Variants in ACER1 observed in about 807,000 individuals in gnomAD.
ACER1 encodes CTB-180A7.3.
Under a neutral mutation model 24.9 loss-of-function variants are expected in ACER1, and 28 were observed. The observed-to-expected ratio is 1.13, with a 90% CI of 0.83 to 1.54. ACER1 has a LOEUF of 1.54. Among genes scored for constraint, ACER1 ranks in the 40% most tolerant of loss-of-function variants. ACER1 has a pLI of 0.00. For missense variants in ACER1, 352 were observed against 349.3 expected (o/e 1.01, Z -0.06); for synonymous variants, 132 against 131.4 (o/e 1.00, Z -0.03).
chr19:6,320,952 G>A (rs7260240), intron 1 of ACER1, among the ~76,000 whole-genome samples: 15,404 of 150,584 alleles, frequency 0.1, 1,078 homozygotes, highest in African/African-American at 0.19. Flanking sequence ...TAGCTACAAT[G>A]TATTCAGTGC....
rs1224746868 is a variant in ACER1 at position 6,306,925 on chromosome 19, A to G, written c.627-43T>C. On this transcript the variant is annotated intron_variant, in intron 5 of 5. Transcript: ENST00000301452. ...AAGGTGGCGAGGGCACAAGATACCCACAGCCTCACGCCGGCCCTCTTTTTA... is the reference window on the plus strand; with the variant it reads ...AAGGTGGCGAGGGCACAAGATACCCGCAGCCTCACGCCGGCCCTCTTTTTA... 5.1e-6 allele frequency: 8 copies of G among 1,584,084 alleles called. No homozygotes were observed. In the East Asian group the frequency reaches 1.1e-4, roughly 22 times the overall value.
intron 1 of ACER1, among the ~76,000 whole-genome samples, chr19:6,319,946 T>C (rs1184785692): frequency 6.6e-6 from 1 of 151,900 alleles, no homozygotes; most frequent in Admixed American, 6.6e-5. Flanking sequence ...ACCCTGTCTT[T>C]ACTAAAAATA....
chr19:6,316,969 T>A (rs1040690572), intron 1 of ACER1, among the ~76,000 whole-genome samples: 2 of 86,400 alleles, frequency 2.3e-5, no homozygotes, highest in South Asian at 4.1e-4. Context: ...CCTCCCCATC[T>A]TTTTTTTTTT....
intron 1 of ACER1, among the ~76,000 whole-genome samples, chr19:6,323,844 C>G (rs2091645200): frequency 6.6e-6 from 1 of 151,918 alleles, no homozygotes; most frequent in Admixed American, 6.6e-5. Context: ...CTTATGAGAC[C>G]TGCCATTGTG....
chr19:6,312,923 C>A (rs539060281), intron 1 of ACER1, among the ~76,000 whole-genome samples: 9 of 152,158 alleles, frequency 5.9e-5, no homozygotes, highest in African/African-American at 2.2e-4. Context: ...GTGATCCGCC[C>A]ATCTTGGCCT....
chr19:6,333,654 C>T (rs1470749256), upstream of ACER1: 57 of 976,980 alleles, frequency 5.8e-5, no homozygotes, highest in Non-Finnish European at 8.0e-5. Context: ...CCCGGTGCCC[C>T]GCGGCAGGCA....
At chr19:6,317,905 C>G (rs1405228380) in intron 1 of ACER1, among the ~76,000 whole-genome samples, 2 of 152,060 alleles carry the variant, frequency 1.3e-5, no homozygotes, top group South Asian at 4.2e-4. Flanking sequence ...CAGGCACTCA[C>G]CACCATGTAT....
chr19:6,328,467 A>G (rs2091671772), intron 1 of ACER1, among the ~76,000 whole-genome samples: 1 of 138,810 alleles, frequency 7.2e-6, no homozygotes, highest in Non-Finnish European at 1.5e-5. Flanking sequence ...AGTGCACTCC[A>G]GCCTGGGCAA....
At position 6,307,168 on chromosome 19, in the gene ACER1, T is replaced by G; in HGVS notation, c.611A>C (p.Tyr204Ser). Residue 204 changes from tyrosine (Y) to serine (S), a missense_variant, in exon 5 of 6, where the codon TAT (tyrosine) becomes TCT (serine). Transcript: ENST00000301452. ...CSFWQRIHFF[Y>S]LHSIWHVLIS... ...ATGTGCTTACCAGATGCTGTGCAGA[T>G]AGAAGAAATGAATCCTCTGCCAGAA... is the stretch of plus-strand genomic sequence containing the variant. The G allele has an allele frequency of 6.2e-7, 1 of 1,614,072 alleles. No homozygotes were observed. The highest frequency in any genetic ancestry group is 1.1e-5 in the South Asian group (1 of 91,080).
At chr19:6,315,493 ACT>A (rs2091599138) in intron 1 of ACER1, among the ~76,000 whole-genome samples, 1 of 151,124 alleles carries the variant, frequency 6.6e-6, no homozygotes, top group Admixed American at 6.6e-5. Context: ...CATTCTCCTG[ACT>A]CAGCCTCCCC....
At chr19:6,357,043 T>TTC in the ACER1 span, among the ~76,000 whole-genome samples, 1 of 86,366 alleles carries the variant, frequency 1.2e-5, no homozygotes, top group Non-Finnish European at 2.1e-5. Context: ...GAGCTGAGAC[T>TTC]TTTTTTTTTT....
chr19:6,350,894 T>C, the ACER1 span, among the ~76,000 whole-genome samples: 6 of 152,096 alleles, frequency 3.9e-5, no homozygotes, highest in South Asian at 4.2e-4. Flanking sequence ...GGTGTGGCCA[T>C]GTGAGCAGAT....
intron 4 of ACER1, among the ~76,000 whole-genome samples, chr19:6,307,661 C>T (rs1442781323): frequency 6.6e-6 from 1 of 151,620 alleles, no homozygotes; most frequent in Non-Finnish European, 1.5e-5. Context: ...CATGATGGTG[C>T]ATGCCTGCAG....
intron 1 of ACER1, among the ~76,000 whole-genome samples, chr19:6,314,339 G>C (rs1415911579): frequency 6.6e-6 from 1 of 151,102 alleles, no homozygotes; most frequent in Admixed American, 6.6e-5. Context: ...GTGTAGTGGT[G>C]GGTGCCTGTA....
intron 3 of ACER1, among the ~76,000 whole-genome samples, chr19:6,311,606 G>A (rs1651435443): frequency 6.6e-6 from 1 of 150,702 alleles, no homozygotes; most frequent in African/African-American, 2.4e-5. Context: ...CGGAGAAGAA[G>A]AAGGAGAAGG....
chr19:6,336,833 A>AAG (rs2091716299), upstream of ACER1, among the ~76,000 whole-genome samples: 1 of 150,520 alleles, frequency 6.6e-6, no homozygotes, highest in African/African-American at 2.5e-5. Flanking sequence ...AAAAAAAAAA[A>AAG]AAAAGAAAAA....
upstream of ACER1, among the ~76,000 whole-genome samples, chr19:6,335,486 G>C (rs891684422): frequency 6.6e-6 from 1 of 151,996 alleles, no homozygotes; most frequent in Admixed American, 6.6e-5. Flanking sequence ...ACTTCCCAAA[G>C]TGCTGGGATT....
At chr19:6,307,932 CA>C (rs1246761244) in intron 4 of ACER1, among the ~76,000 whole-genome samples, 5 of 146,588 alleles carry the variant, frequency 3.4e-5, no homozygotes, top group East Asian at 2.0e-4. Context: ...ACTAAAAATA[CA>C]AAAAAAAAAT....
In ACER1 at chr19:6,333,583, G is replaced by T. The variant is rs375464899; in HGVS notation, c.-32C>A. On this transcript the variant is annotated 5_prime_UTR_variant, in exon 1 of 6. Transcript: ENST00000301452. ...TCAGTGGCCACCACCAGCCGGCTGC[G>T]CCCGGCAGAGAGAAGGCGAGCTTGG... 1 of 1,540,242 alleles carries T rather than the reference G, an allele frequency of 6.5e-7. No individual in the cohort carries two copies. Among genetic ancestry groups the T allele is most frequent in the Non-Finnish European group, 8.8e-7 (1 of 1,137,118 alleles).
Sources: allele counts gnomAD v4.1 joint callset (sites outside exome capture counted in the v4.1 genomes callset), GRCh38; gene constraint gnomAD v4.1.1; transcripts MANE v1.5; gene names NCBI Gene and HGNC (gene_info 2026-07-23, HGNC 2026-07-21).